Variants in PLEK2 observed in about 807,000 individuals in gnomAD.
PLEK2 encodes the protein pleckstrin 2.
PLEK2 carries 29 observed loss-of-function variants against 43.8 expected under a neutral mutation model. The ratio of observed to expected loss-of-function variants is 0.66; its 90% CI spans 0.49 to 0.90. The LOEUF (loss-of-function observed/expected upper bound fraction) is 0.90. PLEK2 is among the 40% of genes least tolerant of loss of function. The pLI is 0.00. For missense variants in PLEK2, 398 were observed against 448.1 expected, an observed-to-expected ratio of 0.89 and a Z score of 1.01; for synonymous variants, 162 against 173.2, an observed-to-expected ratio of 0.94 and a Z score of 0.51.
chr14:67,388,320 C>T lies in PLEK2; in HGVS notation c.856-18G>A. The T allele has an allele frequency of 6.5e-6, 10 of 1,544,874 alleles. No individual in the cohort carries two copies. The highest frequency in any genetic ancestry group is 9.0e-6 in the Non-Finnish European group (10 of 1,117,056). ...TTCTCTTCCTGTAGAGGAAAGGAGA[C>T]CCAATTAGGAATTTGTGAATGAACA... On this transcript the variant is annotated intron_variant, in intron 7 of 8. Transcript: ENST00000216446.
At chr14:67,390,592 G>T in intron 7 of PLEK2, 71 bp downstream of exon 7, 4 of 1,081,668 alleles carry the variant, frequency 3.7e-6, no homozygotes, top group Non-Finnish European at 5.7e-6. Flanking sequence ...CCAGCTGCCC[G>T]CCATGCCAGG....
At chr14:67,408,830 C>T (rs922147732) in intron 1 of PLEK2, among the ~76,000 whole-genome samples, 40 of 152,206 alleles carry the variant, frequency 2.6e-4, no homozygotes, top group African/African-American at 8.2e-4. Context: ...CTTTACTCTT[C>T]GGATTTTAAT....
chr14:67,401,882 G>A (rs2086050675), intron 1 of PLEK2, among the ~76,000 whole-genome samples: 1 of 152,152 alleles, frequency 6.6e-6, no homozygotes, highest in African/African-American at 2.4e-5. Context: ...CCAACATTTT[G>A]GGAGGCCGAG....
chr14:67,389,960 G>GC (rs1421722059), intron 7 of PLEK2, among the ~76,000 whole-genome samples: 3 of 152,094 alleles, frequency 2.0e-5, no homozygotes, highest in African/African-American at 7.2e-5. Context: ...CCCTGGCCTA[G>GC]CTGGGTCCAG....
At chr14:67,411,772 G>A (rs1453538360) in intron 1 of PLEK2, among the ~76,000 whole-genome samples, 2 of 152,190 alleles carry the variant, frequency 1.3e-5, no homozygotes, top group Non-Finnish European at 2.9e-5. Flanking sequence ...CCCCTGCCCC[G>A]ACTCCATACT....
chr14:67,394,731 A>G (rs1486273227), intron 3 of PLEK2, among the ~76,000 whole-genome samples: 2 of 152,226 alleles, frequency 1.3e-5, no homozygotes, highest in South Asian at 2.1e-4. Context: ...AAAATCCCCA[A>G]TGTGGCAATA....
chr14:67,404,237 C>G (rs936964913), intron 1 of PLEK2, among the ~76,000 whole-genome samples: 1 of 152,168 alleles, frequency 6.6e-6, no homozygotes, highest in Non-Finnish European at 1.5e-5. Flanking sequence ...ACTGGCACAG[C>G]CTTCAAGGTC....
chr14:67,409,670 G>A (rs2086104162), intron 1 of PLEK2, among the ~76,000 whole-genome samples: 1 of 152,034 alleles, frequency 6.6e-6, no homozygotes, highest in South Asian at 2.1e-4. Flanking sequence ...TCTCGTCTGG[G>A]TGGGATTAAG....
intron 1 of PLEK2, among the ~76,000 whole-genome samples, chr14:67,406,702 G>A (rs2086081821): frequency 6.6e-6 from 1 of 152,220 alleles, no homozygotes; most frequent in Non-Finnish European, 1.5e-5. Flanking sequence ...AGACTGGAGT[G>A]GGGAGCTCAG....
chr14:67,393,204 T>C lies in PLEK2; in HGVS notation c.427A>G (p.Ile143Val). The C allele has an allele frequency of 6.2e-6, 10 of 1,614,054 alleles. No homozygotes were observed. The highest frequency in any genetic ancestry group is 8.5e-6 in the Non-Finnish European group (10 of 1,179,940). ...VDKMHDSNTG[I>V]RSSPNMEQGS... ...TGCTCCATGTTGGGGCTTGAACGGA[T>C]TCCGGTGTTGCTATCGTGCATCTTG... is the stretch of plus-strand genomic sequence containing the variant. The change falls in exon 4 of 9, where the codon ATC becomes GTC. Residue 143 changes from isoleucine to valine, a missense_variant. Physicochemically the swap from Ile to Val is conservative, Grantham distance 29. Transcript: ENST00000216446.
intron 3 of PLEK2, among the ~76,000 whole-genome samples, chr14:67,393,729 C>A (rs576307250): frequency 6.6e-6 from 1 of 152,148 alleles, no homozygotes; most frequent in African/African-American, 2.4e-5. Flanking sequence ...ACTGGGATTA[C>A]AGGTGTGAGC....
chr14:67,389,937 C>T (rs1173118106), intron 7 of PLEK2, among the ~76,000 whole-genome samples: 1 of 152,148 alleles, frequency 6.6e-6, no homozygotes, highest in African/African-American at 2.4e-5. Context: ...CCTCCTGCCA[C>T]ATCCCTCCCT....
At chr14:67,407,744 C>A (rs1472897013) in intron 1 of PLEK2, among the ~76,000 whole-genome samples, 1 of 152,128 alleles carries the variant, frequency 6.6e-6, no homozygotes, top group Non-Finnish European at 1.5e-5. Context: ...ACCCGGCAGA[C>A]CCCTAACTTT....
chr14:67,390,777 G>A, intron 6 of PLEK2, 31 bp from the exon 7 acceptor site: 1 of 1,433,802 alleles, frequency 7.0e-7, no homozygotes, highest in African/African-American at 1.4e-5. Flanking sequence ...AAAGCTCATT[G>A]GTGACAGCTG....
chr14:67,395,520 C>T lies in PLEK2; in HGVS notation c.271G>A (p.Glu91Lys). Reference protein sequence around the residue: ...EYFLEACSREERDAWAFEITG... With the variant: ...EYFLEACSREKRDAWAFEITG... ...ATCTCAAAGGCCCAGGCATCCCGCT[C>T]CTCTCGAGAACAGGCCTCCAGGAAG... is the stretch of plus-strand genomic sequence containing the variant. Residue 91 changes from glutamate (E) to lysine (K), a missense_variant, in exon 3 of 9, where the codon GAG (glutamate) becomes AAG (lysine). Coordinates refer to ENST00000216446, the MANE Select transcript of PLEK2 (RefSeq NM_016445.3). 1.2e-6 allele frequency: 2 copies of T among 1,614,170 alleles called. No homozygotes were observed. The highest frequency in any genetic ancestry group is 8.5e-7 in the Non-Finnish European group (1 of 1,179,998).
chr14:67,401,076 C>T (rs2086045252), intron 1 of PLEK2, among the ~76,000 whole-genome samples: 1 of 151,952 alleles, frequency 6.6e-6, no homozygotes. Context: ...AATGCCTAGC[C>T]CCAGTGCCTG....
At chr14:67,408,354 TAAAAA>T (rs137936063) in intron 1 of PLEK2, among the ~76,000 whole-genome samples, 18 of 134,870 alleles carry the variant, frequency 1.3e-4, no homozygotes, top group African/African-American at 5.1e-4. Flanking sequence ...TAAAATAAAA[TAAAAA>T]AAGAAAAAAC....
chr14:67,387,734 G>C (rs1279568097), intron 8 of PLEK2, among the ~76,000 whole-genome samples: 1 of 152,170 alleles, frequency 6.6e-6, no homozygotes, highest in Non-Finnish European at 1.5e-5. Context: ...GCATGCCATA[G>C]ATCTACCATT....
chr14:67,388,519 G>T (rs1233611397), intron 7 of PLEK2, among the ~76,000 whole-genome samples: 1 of 152,168 alleles, frequency 6.6e-6, no homozygotes, highest in Non-Finnish European at 1.5e-5. Flanking sequence ...GCCCATCAAT[G>T]TTGCAGTTAC....
Sources: gnomAD v4.1 joint callset for allele counts (sites outside exome capture counted in the v4.1 genomes callset) on GRCh38, gnomAD v4.1.1 for gene constraint, MANE v1.5 for transcripts, NCBI Gene and HGNC (gene_info 2026-07-23, HGNC 2026-07-21) for gene names.